Variants in DLGAP2 observed in about 807,000 individuals in gnomAD.
DLGAP2 encodes the protein DLG associated protein 2.
A neutral mutation model predicts 100.3 loss-of-function variants in DLGAP2; 26 were observed. The ratio of observed to expected loss-of-function variants is 0.26; its 90% confidence interval spans 0.19 to 0.36. The LOEUF is 0.36. Among genes scored for constraint, DLGAP2 ranks in the 10% least tolerant of loss-of-function variants. DLGAP2 has a pLI of 1.00. For missense variants in DLGAP2, 1,858 were observed against 1,453.2 expected (o/e 1.28, Z -4.53); for synonymous variants, 886 against 630.1 (o/e 1.41, Z -6.08).
At chr8:1,503,461 G>T (rs924135362) in intron 4 of DLGAP2, among the ~76,000 whole-genome samples, 2 of 152,078 alleles carry the variant, frequency 1.3e-5, no homozygotes, top group African/African-American at 4.8e-5. Flanking sequence ...CGCCCTTTCT[G>T]TTGAAGGCTG....
intron 2 of DLGAP2, among the ~76,000 whole-genome samples, chr8:1,236,270 T>TTCTAGTTCTCTCACATGGCGCCGTG (rs1554508161): frequency 1.3e-3 from 19 of 14,158 alleles, no homozygotes; most frequent in South Asian, 2.4e-3. Context: ...ATGGTGCCGT[T>TTCTAGTTCTCTCACATGGCGCCGTG]TCTAGTTCTC....
At chr8:1,443,940 T>C (rs1252277298) in intron 3 of DLGAP2, among the ~76,000 whole-genome samples, 1 of 152,230 alleles carries the variant, frequency 6.6e-6, no homozygotes, top group East Asian at 1.9e-4. Context: ...GCAATAACTT[T>C]AGCTCTATAA....
chr8:1,052,858 C>G (rs530680964), intron 2 of DLGAP2, among the ~76,000 whole-genome samples: 2 of 152,140 alleles, frequency 1.3e-5, no homozygotes, highest in African/African-American at 4.8e-5. Context: ...GAGGATAGAA[C>G]TGGCTGCAAT....
At chr8:1,408,400 G>A (rs77570653) in intron 3 of DLGAP2, among the ~76,000 whole-genome samples, 24 of 151,934 alleles carry the variant, frequency 1.6e-4, no homozygotes, top group Middle Eastern at 6.8e-3. Context: ...CTCCAAGTTC[G>A]CCACAACCTG....
intron 2 of DLGAP2, among the ~76,000 whole-genome samples, chr8:913,041 T>C (rs746515353): frequency 1.3e-5 from 2 of 152,278 alleles, no homozygotes; most frequent in Non-Finnish European, 2.9e-5. Flanking sequence ...ATGTAACCTT[T>C]GTAACAGAGT....
chr8:1,191,250 C>CA (rs386411867), intron 2 of DLGAP2, among the ~76,000 whole-genome samples: 177 of 8,880 alleles, frequency 0.02, no homozygotes, highest in Non-Finnish European at 0.029. Context: ...CGGCTCACTG[C>CA]AGCTCCACCT....
chr8:1,586,052 A>G (rs1321411016), intron 6 of DLGAP2, among the ~76,000 whole-genome samples: 1 of 152,228 alleles, frequency 6.6e-6, no homozygotes, highest in Non-Finnish European at 1.5e-5. Context: ...CGTTGCTGTC[A>G]TAAAAACTGC....
chr8:1,058,778 T>C (rs1802961500), intron 2 of DLGAP2, among the ~76,000 whole-genome samples: 1 of 152,204 alleles, frequency 6.6e-6, no homozygotes, highest in Admixed American at 6.5e-5. Context: ...AAAAGTGATA[T>C]TTGAGGCCCA....
chr8:831,631 T>C (rs1796785658), intron 1 of DLGAP2, among the ~76,000 whole-genome samples: 1 of 152,172 alleles, frequency 6.6e-6, no homozygotes, highest in Admixed American at 6.5e-5. Flanking sequence ...GACATTTGGG[T>C]TGGTTCCAAG....
At chr8:802,781 A>G (rs1406028097) in intron 1 of DLGAP2, among the ~76,000 whole-genome samples, 3 of 152,184 alleles carry the variant, frequency 2.0e-5, no homozygotes, top group Non-Finnish European at 4.4e-5. Flanking sequence ...AGATCTCTTC[A>G]GGTCCCAAGT....
intron 6 of DLGAP2, among the ~76,000 whole-genome samples, chr8:1,569,886 G>A (rs1200134967): frequency 6.6e-6 from 1 of 151,826 alleles, no homozygotes; most frequent in Non-Finnish European, 1.5e-5. Context: ...TCTGTGGAGG[G>A]CAGGTAGATC....
At chr8:1,416,239 C>G (rs1584876910) in intron 3 of DLGAP2, among the ~76,000 whole-genome samples, 1 of 152,128 alleles carries the variant, frequency 6.6e-6, no homozygotes, top group Admixed American at 6.5e-5. Context: ...ATTCCAGCGT[C>G]CATACAGAGT....
intron 2 of DLGAP2, among the ~76,000 whole-genome samples, chr8:1,036,322 C>T (rs568032519): frequency 1.3e-5 from 2 of 152,258 alleles, no homozygotes; most frequent in African/African-American, 4.8e-5. Flanking sequence ...TGCCACAGCA[C>T]CCCATCTGCT....
At chr8:942,039 G>C (rs912546425) in intron 2 of DLGAP2, among the ~76,000 whole-genome samples, 1 of 152,108 alleles carries the variant, frequency 6.6e-6, no homozygotes, top group Admixed American at 6.5e-5. Flanking sequence ...TGTCCAGGCT[G>C]GTCTCGAATT....
At chr8:1,644,980 C>T (rs569736619) in intron 8 of DLGAP2, among the ~76,000 whole-genome samples, 22 of 152,288 alleles carry the variant, frequency 1.4e-4, no homozygotes, top group South Asian at 6.2e-4. Context: ...CAGTGGCTCA[C>T]GCCTGTAGTG....
intron 3 of DLGAP2, among the ~76,000 whole-genome samples, chr8:1,453,997 C>T (rs1798235506): frequency 6.6e-6 from 1 of 152,212 alleles, no homozygotes; most frequent in Non-Finnish European, 1.5e-5. Context: ...GCTGGCGTGG[C>T]CTCCTGCCAG....
At chr8:1,163,400 G>C (rs1796931006) in intron 2 of DLGAP2, among the ~76,000 whole-genome samples, 1 of 152,180 alleles carries the variant, frequency 6.6e-6, no homozygotes, top group African/African-American at 2.4e-5. Flanking sequence ...GGAGACGGGC[G>C]GCCCCACGCT....
chr8:1,108,850 G>A (rs908539005), intron 2 of DLGAP2, among the ~76,000 whole-genome samples: 1 of 134,676 alleles, frequency 7.4e-6, no homozygotes, highest in African/African-American at 2.9e-5. Context: ...TGCTGGGTCT[G>A]TGAGGTGTGC....
intron 3 of DLGAP2, among the ~76,000 whole-genome samples, chr8:1,425,044 T>G (rs1040802121): frequency 6.6e-6 from 1 of 152,222 alleles, no homozygotes; most frequent in Non-Finnish European, 1.5e-5. Flanking sequence ...TGATCTCAAT[T>G]TAAACATTTA....
Sources: allele counts gnomAD v4.1 joint callset (sites outside exome capture counted in the v4.1 genomes callset), GRCh38; gene constraint gnomAD v4.1.1; transcripts MANE v1.5; gene names NCBI Gene and HGNC (gene_info 2026-07-23, HGNC 2026-07-21).